The following ZNF578 variants were observed in gnomAD, a reference collection of about 807,000 sequenced individuals.
ZNF578 encodes Putative chemokine-related protein B42.
Under a neutral mutation model 8.3 loss-of-function variants are expected in ZNF578, and 8 were observed. The ratio of observed to expected loss-of-function variants is 0.96; its 90% CI spans 0.56 to 1.74. The LOEUF is 1.74. Ranked by LOEUF, ZNF578 falls within the 40% of genes most tolerant of loss-of-function variation. The pLI is 0.00. For missense variants in ZNF578, 726 were observed against 707.5 expected (o/e 1.03, Z -0.30); for synonymous variants, 206 against 232.2 (o/e 0.89, Z 1.03).
At chr19:52,493,642 G>T (rs73934541) in intron 3 of ZNF578, among the ~76,000 whole-genome samples, 8 of 151,998 alleles carry the variant, frequency 5.3e-5, no homozygotes, top group African/African-American at 1.9e-4. Context: ...GAGATAAGAG[G>T]CGGTAATATA....
chr19:52,483,465 G>A (rs943245931), intron 2 of ZNF578, among the ~76,000 whole-genome samples: 1 of 152,110 alleles, frequency 6.6e-6, no homozygotes, highest in Non-Finnish European at 1.5e-5. Context: ...TCCTATTCAC[G>A]TGTAGTCAAC....
chr19:52,490,679 C>T (rs2059362261), intron 2 of ZNF578, among the ~76,000 whole-genome samples: 1 of 151,400 alleles, frequency 6.6e-6, no homozygotes, highest in Non-Finnish European at 1.5e-5. Context: ...GCTCTGTCAC[C>T]CAGGCTGGAG....
chr19:52,510,212 T>C (rs997109020), intron 5 of ZNF578, among the ~76,000 whole-genome samples: 5 of 152,112 alleles, frequency 3.3e-5, no homozygotes, highest in African/African-American at 1.2e-4. Flanking sequence ...GTAAATATGG[T>C]TTAAATATGA....
At chr19:52,487,939 T>G (rs975164192) in intron 2 of ZNF578, among the ~76,000 whole-genome samples, 1 of 146,522 alleles carries the variant, frequency 6.8e-6, no homozygotes, top group Non-Finnish European at 1.5e-5. Flanking sequence ...CCGTGGCATC[T>G]GGCCTACATA....
At chr19:52,482,060 T>C (rs2059328324) in intron 2 of ZNF578, among the ~76,000 whole-genome samples, 1 of 150,942 alleles carries the variant, frequency 6.6e-6, no homozygotes, top group East Asian at 2.0e-4. Flanking sequence ...TGAGAGAGAG[T>C]TTTGCTCTTG....
At chr19:52,465,486 T>C (rs2059271940) in intron 2 of ZNF578, among the ~76,000 whole-genome samples, 1 of 152,196 alleles carries the variant, frequency 6.6e-6, no homozygotes, top group Non-Finnish European at 1.5e-5. Flanking sequence ...TGACTCAGCC[T>C]CATCGTCTGT....
intron 2 of ZNF578, among the ~76,000 whole-genome samples, chr19:52,473,088 A>G (rs1231128051): frequency 6.6e-6 from 1 of 152,188 alleles, no homozygotes; most frequent in African/African-American, 2.4e-5. Flanking sequence ...AGGTATTTTC[A>G]AAGATATATC....
At chr19:52,471,210 A>G (rs1190434737) in intron 2 of ZNF578, among the ~76,000 whole-genome samples, 2 of 152,184 alleles carry the variant, frequency 1.3e-5, no homozygotes, top group Non-Finnish European at 2.9e-5. Flanking sequence ...ACCCAGTGTT[A>G]GATATTTCTT....
intron 3 of ZNF578, among the ~76,000 whole-genome samples, chr19:52,497,623 A>C (rs1440686544): frequency 6.6e-6 from 1 of 152,146 alleles, no homozygotes. Context: ...TTCTCTGTGA[A>C]ATTGTGTTCA....
At chr19:52,464,938 G>T (rs1372064521) in intron 2 of ZNF578, among the ~76,000 whole-genome samples, 1 of 152,182 alleles carries the variant, frequency 6.6e-6, no homozygotes, top group Non-Finnish European at 1.5e-5. Context: ...TAGGGATCAT[G>T]GTGGGGGATG....
At chr19:52,505,037 G>C (rs572519199) in intron 5 of ZNF578, among the ~76,000 whole-genome samples, 1 of 152,084 alleles carries the variant, frequency 6.6e-6, no homozygotes, top group Non-Finnish European at 1.5e-5. Flanking sequence ...ATAGGCATGC[G>C]CCACCACGCC....
intron 3 of ZNF578, among the ~76,000 whole-genome samples, chr19:52,494,267 G>A (rs1307428626): frequency 6.6e-6 from 1 of 152,062 alleles, no homozygotes; most frequent in Non-Finnish European, 1.5e-5. Context: ...CAGAGGGATT[G>A]CTTGAGTCCA....
intron 2 of ZNF578, among the ~76,000 whole-genome samples, chr19:52,485,288 C>T (rs1023889281): frequency 6.6e-6 from 1 of 152,210 alleles, no homozygotes; most frequent in African/African-American, 2.4e-5. Context: ...TGGGGCTGTG[C>T]TGGGCTCGCC....
At chr19:52,459,956 G>A (rs909567675) in intron 2 of ZNF578, among the ~76,000 whole-genome samples, 35 of 148,792 alleles carry the variant, frequency 2.4e-4, no homozygotes, top group African/African-American at 7.9e-4. Flanking sequence ...TATTAGAGAC[G>A]GGGTTTCACC....
Position 52,491,346 on chromosome 19 carries a change from G to GA in ZNF578, c.-94dup. 3.9e-6 allele frequency: 1 copy of GA among 256,060 alleles called. No homozygotes were observed. The highest frequency in any genetic ancestry group is 1.0e-3 in the Middle Eastern group (1 of 1,000). The allele number at this position is 256,060 out of a possible 1,614,324, so 15.9% of individuals were successfully genotyped here. On this transcript the variant is annotated 5_prime_UTR_variant, in exon 3 of 6. An upstream open reading frame in the 5' UTR loses its in-frame stop. Transcript: ENST00000421239. ...TAGATATCTCTTCCAAATGCATGAT[G>GA]AAAAAGGTGGGAAGATTACTTGAGC...
intron 2 of ZNF578, among the ~76,000 whole-genome samples, chr19:52,488,900 G>A (rs2122871582): frequency 6.6e-6 from 1 of 152,114 alleles, no homozygotes; most frequent in South Asian, 2.1e-4. Flanking sequence ...GAGACTACCT[G>A]CCTGGCCTAC....
rs117159499 is a variant in ZNF578, at chr19:52,506,947, G to A, written c.190+2166G>A. On this transcript the variant is annotated intron_variant, in intron 5 of 5. Coordinates refer to ENST00000421239, the MANE Select transcript of ZNF578 (RefSeq NM_001099694.2). The stretch of plus-strand genomic sequence containing the variant: ...CTTTTCCTATCTCACTCATTTCATC[G>A]TTCTGTTAGAAATAGCTTAGACTGG... Among the ~76,000 whole-genome samples the A allele has an allele frequency of 9.0e-3, 1,368 of 152,258 alleles. 17 individuals are homozygous for A. Among genetic ancestry groups the A allele is most frequent in the Non-Finnish European group, 0.016 (1,084 of 68,024 alleles).
At chr19:52,462,437 A>G (rs546185741) in intron 2 of ZNF578, among the ~76,000 whole-genome samples, 21 of 152,338 alleles carry the variant, frequency 1.4e-4, no homozygotes, top group Admixed American at 3.3e-4. Context: ...TATTATTAAC[A>G]TAAACCTCAA....
chr19:52,493,259 T>G (rs1388006461), intron 3 of ZNF578, among the ~76,000 whole-genome samples: 1 of 152,090 alleles, frequency 6.6e-6, no homozygotes, highest in Non-Finnish European at 1.5e-5. Context: ...TTCTGCCTGG[T>G]CCTGGAATCC....
Sources: allele counts gnomAD v4.1 joint callset (sites outside exome capture counted in the v4.1 genomes callset), GRCh38; gene constraint gnomAD v4.1.1; transcripts MANE v1.5; gene names NCBI Gene and HGNC (gene_info 2026-07-23, HGNC 2026-07-21).